PATZ1: variants seen among roughly 807,000 people sequenced by gnomAD.
PATZ1 encodes the protein POZ-, AT hook-, and zinc finger-containing protein 1.
Under a neutral mutation model 46.2 loss-of-function variants are expected in PATZ1, and 9 were observed. That is an observed-to-expected ratio of 0.19 (90% confidence interval 0.12 to 0.34). The LOEUF (loss-of-function observed/expected upper bound fraction) is 0.34, where lower values mean the gene tolerates loss of function less well. PATZ1 is among the 10% of genes least tolerant of loss of function. PATZ1 has a pLI of 1.00. For missense variants in PATZ1, 632 were observed against 923.0 expected (o/e 0.68, Z 4.08); for synonymous variants, 426 against 378.6 (o/e 1.13, Z -1.45).
chr22:31,336,471 C>T (rs2049510299), intron 2 of PATZ1, among the ~76,000 whole-genome samples: 4 of 151,994 alleles, frequency 2.6e-5, no homozygotes, highest in South Asian at 2.1e-4. Flanking sequence ...GCAATTCTGA[C>T]GACATGAGAA....
At chr22:31,336,746 C>A (rs1246198425) in intron 2 of PATZ1, among the ~76,000 whole-genome samples, 1 of 144,188 alleles carries the variant, frequency 6.9e-6, no homozygotes, top group African/African-American at 2.6e-5. Flanking sequence ...GTAGAGGTTG[C>A]AGTGAGCCAA....
chr22:31,328,468 T>C lies in PATZ1; in HGVS notation c.1645+319A>G, dbSNP rs1027569201. 5.3e-5 allele frequency among the ~76,000 whole-genome samples: 8 copies of C among 152,328 alleles called. No individual in the cohort carries two copies. In the South Asian group the frequency reaches 1.5e-3, roughly 28 times the overall value. On this transcript the variant is annotated intron_variant, in intron 4 of 4. Transcript: ENST00000266269. This position sits in a 1 kb window ranked among gnomAD's most constrained non-coding sequence, Gnocchi z 4.8. Reference sequence around the variant, plus strand: ...GTGACAGGCCCATAGTGACTCATCATGCAGGGCTCTTCTTCTGCCCAGGGC... The same window carrying C: ...GTGACAGGCCCATAGTGACTCATCACGCAGGGCTCTTCTTCTGCCCAGGGC...
At chr22:31,342,010 C>T (rs918040615) in intron 2 of PATZ1, among the ~76,000 whole-genome samples, 6 of 152,168 alleles carry the variant, frequency 3.9e-5, no homozygotes, top group African/African-American at 1.4e-4. Context: ...CCCCTTGCCA[C>T]CAACAGGATA....
At chr22:31,341,191 GA>G in intron 2 of PATZ1, 1 of 1,249,056 alleles carries the variant, frequency 8.0e-7, no homozygotes, top group Non-Finnish European at 1.0e-6. Context: ...AGAGAGCCCA[GA>G]AAGAAACTTG....
Position 31,335,933 on chromosome 22 carries a change from C to T in PATZ1, c.1336-70G>A, listed in dbSNP as rs11912194. 9.5e-4 allele frequency: 1,386 copies of T among 1,458,964 alleles called. 14 individuals are homozygous for T. The African/African-American group carries it at 0.018, about 19-fold the overall frequency. The allele number at this position is 1,458,964 out of a possible 1,614,324, so 90.4% of individuals were successfully genotyped here. The stretch of plus-strand genomic sequence containing the variant: ...CACACCTGACTCCCCACCAAGTGCA[C>T]CATGAAGCAAAGGCAATTTCTGGCC... On this transcript the variant is annotated intron_variant, in intron 2 of 4. Coordinates refer to ENST00000266269, the MANE Select transcript of PATZ1 (RefSeq NM_014323.3).
chr22:31,327,372 G>A lies in PATZ1; in HGVS notation c.1646-63C>T. 6 of 1,350,066 alleles carry A rather than the reference G, an allele frequency of 4.4e-6. No individual in the cohort carries two copies. The highest frequency in any genetic ancestry group is 6.1e-6 in the Non-Finnish European group (6 of 975,650). 83.6% of individuals were successfully genotyped at this position (1,350,066 alleles called of 1,614,324 possible). ...GGCTCTGGAGATGCCCCCTCCTGGA[G>A]GGGTCATGAGGGGCCAGCTCACAGA... On this transcript the variant is annotated intron_variant, in intron 4 of 4. Coordinates refer to ENST00000266269, the MANE Select transcript of PATZ1 (RefSeq NM_014323.3). The surrounding 1 kb of genome is among the most constrained non-coding windows in gnomAD (Gnocchi z 4.2).
At position 31,345,329 on chromosome 22, in the gene PATZ1, C is replaced by A; in HGVS notation, c.274G>T (p.Ala92Ser). Residue 92 changes from alanine (A) to serine (S), a missense_variant, in exon 1 of 5, where the codon GCA becomes TCA. Around this residue, in one of 7 missense-constraint regions of PATZ1, gnomAD observed 62 missense variants for 67.9 expected, o/e 0.91. Transcript: ENST00000266269. The surrounding 1 kb of genome is among the most constrained non-coding windows in gnomAD (Gnocchi z 7.4). Reference protein sequence around the residue: ...GGPADVGGATAAPGGGAGGSR... With the variant: ...GGPADVGGATSAPGGGAGGSR... ...CCCCCGGCCCCGCCGCCTGGTGCTG[C>A]CGTCGCGCCCCCTACATCAGCCGGA... is the stretch of plus-strand genomic sequence containing the variant. The A allele has an allele frequency of 6.2e-7, 1 of 1,609,538 alleles. No individual in the cohort carries two copies. Among genetic ancestry groups the A allele is most frequent in the Non-Finnish European group, 8.5e-7 (1 of 1,177,388 alleles).
intron 3 of PATZ1, among the ~76,000 whole-genome samples, chr22:31,333,662 C>G (rs931667844): frequency 1.3e-5 from 2 of 152,150 alleles, no homozygotes; most frequent in African/African-American, 2.4e-5. Flanking sequence ...CGCTCTGGCT[C>G]TGGAACCCAG....
In PATZ1 at chr22:31,345,055, A is replaced by G. The variant is rs1305426660; in HGVS notation, c.548T>C (p.Leu183Ser). The change falls in exon 1 of 5, where the codon TTG becomes TCG. Residue 183 changes from leucine (L) to serine (S), a missense_variant. Around this residue, in one of 7 missense-constraint regions of PATZ1, gnomAD observed 279 missense variants for 284.3 expected, o/e 0.98. Coordinates refer to ENST00000266269, the MANE Select transcript of PATZ1 (RefSeq NM_014323.3). The surrounding 1 kb of genome is among the most constrained non-coding windows in gnomAD (Gnocchi z 7.4). ...GTTGGTCATGTCCAAAGGGAAGCCC[A>G]AGTCCGAGGTCCCAGGGGGGCGAAA... is the stretch of plus-strand genomic sequence containing the variant. ...MLFRPPGTSD[L>S]GFPLDMTNGA... 1.9e-6 allele frequency: 3 copies of G among 1,614,150 alleles called. No homozygotes were observed. Among genetic ancestry groups the G allele is most frequent in the Non-Finnish European group, 2.5e-6 (3 of 1,180,018 alleles).
intron 3 of PATZ1, among the ~76,000 whole-genome samples, chr22:31,330,855 C>T (rs1022272053): frequency 1.3e-5 from 2 of 152,130 alleles, no homozygotes; most frequent in Non-Finnish European, 2.9e-5. Flanking sequence ...ATGTATTTTT[C>T]GACCATAATG....
chr22:31,337,386 G>A (rs1269658553), intron 2 of PATZ1, among the ~76,000 whole-genome samples: 1 of 152,176 alleles, frequency 6.6e-6, no homozygotes, highest in African/African-American at 2.4e-5. Flanking sequence ...GTCAGGAGCT[G>A]AAGGTCAGAA....
At chr22:31,339,360 T>C (rs16989527) in intron 2 of PATZ1, among the ~76,000 whole-genome samples, 2,758 of 152,292 alleles carry the variant, frequency 0.018, 88 homozygotes, top group African/African-American at 0.061. Flanking sequence ...TGTGCCAGGA[T>C]TGACCCTCTG....
chr22:31,336,764 T>TACAC (rs2049515001), intron 2 of PATZ1, among the ~76,000 whole-genome samples: 2 of 134,366 alleles, frequency 1.5e-5, no homozygotes, highest in African/African-American at 2.9e-5. Context: ...CAAGATCGTG[T>TACAC]CACTGCACTC....
chr22:31,334,803 T>C (rs1045944287), intron 3 of PATZ1, among the ~76,000 whole-genome samples: 4 of 152,100 alleles, frequency 2.6e-5, no homozygotes, highest in Admixed American at 6.5e-5. Flanking sequence ...CCTGGTTCAG[T>C]GCTGCACCCA....
In PATZ1 at chr22:31,344,605, T is replaced by G; in HGVS notation, c.998A>C (p.Glu333Ala). 1 of 1,614,128 alleles carries G rather than the reference T, an allele frequency of 6.2e-7. No individual in the cohort carries two copies. The highest frequency in any genetic ancestry group is 8.5e-7 in the Non-Finnish European group (1 of 1,180,036). Residue 333 changes from glutamate to alanine, a missense_variant, in exon 1 of 5, where the codon GAG becomes GCG. Physicochemically the swap from Glu to Ala is moderately radical, Grantham distance 107. Transcript: ENST00000266269. ...GTCTTCAGAGATGGGTAGCCCATTCTCACCCAGCCTCGGAGGAGGAAGGTC... is the reference window on the plus strand; with the variant it reads ...GTCTTCAGAGATGGGTAGCCCATTCGCACCCAGCCTCGGAGGAGGAAGGTC... Reference protein sequence around the residue: ...YIDLPPPRLGENGLPISEDPD... With the variant: ...YIDLPPPRLGANGLPISEDPD...
In PATZ1 at chr22:31,327,629, C is replaced by A. The variant is rs1278152556; in HGVS notation, c.1646-320G>T. On this transcript the variant is annotated intron_variant, in intron 4 of 4. Transcript: ENST00000266269. This position sits in a 1 kb window ranked among gnomAD's most constrained non-coding sequence, Gnocchi z 4.2. ...GCAACTCTGCTACAGCTGCCCAGAACAACTCAAAGACCCCCAACTCCTAGG... is the reference window on the plus strand; with the variant it reads ...GCAACTCTGCTACAGCTGCCCAGAAAAACTCAAAGACCCCCAACTCCTAGG... 1.3e-5 allele frequency among the ~76,000 whole-genome samples: 2 copies of A among 152,202 alleles called. No individual in the cohort carries two copies. The highest frequency in any genetic ancestry group is 2.4e-5 in the African/African-American group (1 of 41,436).
At chr22:31,343,193 A>AT in intron 1 of PATZ1, 1 of 1,278,592 alleles carries the variant, frequency 7.8e-7, no homozygotes, top group South Asian at 1.9e-5. Context: ...TTTGTCTCTG[A>AT]TTTTGCCTCC....
chr22:31,343,338 C>A (rs1054707335), intron 1 of PATZ1: 1 of 996,726 alleles, frequency 1.0e-6, no homozygotes, highest in East Asian at 1.1e-4. Flanking sequence ...GACTAAAGCC[C>A]CTTAGAAACT....
intron 3 of PATZ1, among the ~76,000 whole-genome samples, chr22:31,332,737 T>G (rs147361084): frequency 2.5e-3 from 379 of 152,372 alleles, no homozygotes; most frequent in Non-Finnish European, 4.6e-3. Flanking sequence ...TCCATCCACT[T>G]GTGTGCTTAC....
Sources: gnomAD v4.1 joint callset for allele counts (sites outside exome capture counted in the v4.1 genomes callset) on GRCh38, gnomAD v4.1.1 for gene constraint, gnomAD v4.1.1 regional missense constraint, Gnocchi (gnomAD v3.1) non-coding constraint, MANE v1.5 for transcripts, NCBI Gene and HGNC (gene_info 2026-07-23, HGNC 2026-07-21) for gene names.